Variants in LARP1B observed in about 807,000 individuals in gnomAD.
LARP1B encodes La ribonucleoprotein 1B, also known as la-related protein 1B.
In LARP1B, 76 loss-of-function variants were observed where a neutral mutation model predicts 114.2. The observed-to-expected ratio is 0.67, with a 90% confidence interval of 0.55 to 0.81. The LOEUF (loss-of-function observed/expected upper bound fraction) is 0.81. LARP1B is among the 30% of genes least tolerant of loss of function. The pLI is 0.00. For missense variants in LARP1B, 1,014 were observed against 1,075.8 expected, an observed-to-expected ratio of 0.94 and a Z score of 0.80; for synonymous variants, 345 against 348.0, an observed-to-expected ratio of 0.99 and a Z score of 0.10.
chr4:128,203,437 G>A (rs1008430853), intron 17 of LARP1B, among the ~76,000 whole-genome samples: 2 of 150,372 alleles, frequency 1.3e-5, no homozygotes, highest in Non-Finnish European at 1.5e-5. Flanking sequence ...GCAGTGTCGC[G>A]ATCTCGGCTC....
intron 11 of LARP1B, chr4:128,155,693 C>T (rs966028032): frequency 1.9e-6 from 3 of 1,606,254 alleles, no homozygotes; most frequent in Admixed American, 3.3e-5. Context: ...CAGATCAGCC[C>T]GGAGGAAGAG....
At chr4:128,095,655 ATTTTC>A (rs1777653292) in intron 7 of LARP1B, among the ~76,000 whole-genome samples, 1 of 152,100 alleles carries the variant, frequency 6.6e-6, no homozygotes, top group African/African-American at 2.4e-5. Flanking sequence ...AAGTTGATTT[ATTTTC>A]TTCCCCTTCA....
At chr4:128,220,361 G>T (rs893884993) in exon 7 of LARP1B, 6 of 963,136 alleles carry the variant, frequency 6.2e-6, no homozygotes, top group Non-Finnish European at 7.4e-6. Context: ...ATAGGAGGCT[G>T]ATCCGATAGA....
At chr4:128,072,054 T>C (rs1316426182) in intron 1 of LARP1B, among the ~76,000 whole-genome samples, 2 of 151,848 alleles carry the variant, frequency 1.3e-5, no homozygotes, top group Non-Finnish European at 2.9e-5. Context: ...GGCTGGAGTG[T>C]GGTGGTGCGA....
chr4:128,098,767 A>ATATATATATATATATATAT (rs1328165907), intron 8 of LARP1B, among the ~76,000 whole-genome samples: 1 of 35,036 alleles, frequency 2.9e-5, no homozygotes, highest in African/African-American at 1.3e-4. Context: ...ATATATATAT[A>ATATATATATATATATATAT]TTTTTTTTTT....
intron 17 of LARP1B, among the ~76,000 whole-genome samples, chr4:128,201,198 G>A (rs953864661): frequency 1.3e-5 from 2 of 152,188 alleles, no homozygotes; most frequent in Non-Finnish European, 1.5e-5. Flanking sequence ...ACTTGGAAGT[G>A]GCATACCATT....
intron 12 of LARP1B, among the ~76,000 whole-genome samples, chr4:128,169,003 T>C (rs184955045): frequency 2.0e-5 from 3 of 152,244 alleles, no homozygotes; most frequent in Admixed American, 2.0e-4. Flanking sequence ...ACTAAGTAAG[T>C]CTTTTTTCTC....
At chr4:128,220,404 A>G (rs1759923994) in exon 7 of LARP1B, 1 of 938,536 alleles carries the variant, frequency 1.1e-6, no homozygotes, top group Non-Finnish European at 1.3e-6. Context: ...TGAGATGGCA[A>G]AACGGAATGT....
At chr4:128,101,027 C>T (rs1390659719) in intron 8 of LARP1B, among the ~76,000 whole-genome samples, 1 of 151,004 alleles carries the variant, frequency 6.6e-6, no homozygotes, top group Non-Finnish European at 1.5e-5. Context: ...CCATGTTGGT[C>T]AGGCTGGTCT....
upstream of LARP1B, among the ~76,000 whole-genome samples, chr4:128,060,941 C>A (rs1759923775): frequency 6.6e-6 from 1 of 152,174 alleles, no homozygotes; most frequent in Non-Finnish European, 1.5e-5. Flanking sequence ...AAGGGCAAAT[C>A]GAGCGCTCGG....
At chr4:128,208,327 C>CAAA (rs113495376) in intron 19 of LARP1B, among the ~76,000 whole-genome samples, 11 of 56,572 alleles carry the variant, frequency 1.9e-4, no homozygotes, top group Admixed American at 1.6e-3. Context: ...GACTCTGTCT[C>CAAA]AAAAAAAAAA....
At chr4:128,194,882 T>G (rs1054931048) in intron 15 of LARP1B, among the ~76,000 whole-genome samples, 1 of 151,766 alleles carries the variant, frequency 6.6e-6, no homozygotes, top group South Asian at 2.1e-4. Context: ...AAAAAAAGTT[T>G]TCTTTTTTTC....
chr4:128,082,314 C>T lies in LARP1B; in HGVS notation c.358+9C>T, dbSNP rs1770802972. On this transcript the variant is annotated intron_variant, in intron 5 of 19. Coordinates refer to ENST00000326639, the MANE Select transcript of LARP1B (RefSeq NM_018078.4). The stretch of plus-strand genomic sequence containing the variant: ...GAGAAATGATACACGAAGTAAGTTA[C>T]CATTCTAAGACAAAAATGACTAAGG... 1.2e-6 allele frequency: 2 copies of T among 1,612,236 alleles called. No homozygotes were observed. The highest frequency in any genetic ancestry group is 1.7e-6 in the Non-Finnish European group (2 of 1,178,550).
At chr4:128,171,876 G>A (rs1261469077) in intron 12 of LARP1B, among the ~76,000 whole-genome samples, 1 of 149,880 alleles carries the variant, frequency 6.7e-6, no homozygotes, top group Admixed American at 6.6e-5. Context: ...CATTCAAATT[G>A]TTTCCCTACA....
intron 10 of LARP1B, 107 bp downstream of exon 10, chr4:128,114,849 A>C: frequency 1.1e-6 from 1 of 936,444 alleles, no homozygotes; most frequent in Admixed American, 2.4e-5. Flanking sequence ...AAAGTTTAGC[A>C]CAATTTTAAC....
At chr4:128,110,775 G>A (rs1057213657) in intron 9 of LARP1B, among the ~76,000 whole-genome samples, 35 of 150,010 alleles carry the variant, frequency 2.3e-4, no homozygotes, top group Admixed American at 5.3e-4. Flanking sequence ...AGAATTGTAC[G>A]TTTTCTTGTC....
At chr4:128,140,814 A>C (rs1727663630) in intron 11 of LARP1B, among the ~76,000 whole-genome samples, 1 of 102,548 alleles carries the variant, frequency 9.8e-6, no homozygotes, top group Non-Finnish European at 2.2e-5. Context: ...AAGGTAGGTT[A>C]ATTGTCTCTG....
chr4:128,222,872 T>G (rs114833033), downstream of LARP1B: 304 of 153,232 alleles, frequency 2.0e-3, no homozygotes, highest in Non-Finnish European at 3.8e-3. Context: ...TATCTTGATC[T>G]TCAGCCAGCT....
intron 1 of LARP1B, among the ~76,000 whole-genome samples, chr4:128,068,082 A>G (rs1763738987): frequency 6.6e-6 from 1 of 152,018 alleles, no homozygotes. Context: ...GGGTTTCACC[A>G]CGTTAGCCAG....
Sources: allele counts gnomAD v4.1 joint callset (sites outside exome capture counted in the v4.1 genomes callset), GRCh38; gene constraint gnomAD v4.1.1; transcripts MANE v1.5; gene names NCBI Gene and HGNC (gene_info 2026-07-23, HGNC 2026-07-21).